Variants in MYH7B observed in about 807,000 individuals in gnomAD.
The protein encoded by MYH7B is myosin heavy chain 7B.
Under a neutral mutation model 234.5 loss-of-function variants are expected in MYH7B, and 205 were observed. That is an observed-to-expected ratio of 0.87 (90% CI 0.78 to 0.98). MYH7B has a LOEUF of 0.98. Ranked by LOEUF, MYH7B falls within the 50% of genes least tolerant of loss-of-function variation. MYH7B has a pLI of 0.00. For synonymous variants in MYH7B, 1,193 were observed against 1,105.0 expected (o/e 1.08, Z -1.58); for missense variants, 2,652 against 2,633.4 (o/e 1.01, Z -0.15).
intron 24 of MYH7B, among the ~76,000 whole-genome samples, chr20:34,991,536 A>G (rs1600453008): frequency 6.6e-6 from 1 of 152,180 alleles, no homozygotes; most frequent in African/African-American, 2.4e-5. Flanking sequence ...CAGGTTTGAA[A>G]TGCCTCCAGC....
exon 38 of MYH7B, chr20:34,999,901 C>G: frequency 5.0e-6 from 8 of 1,613,368 alleles, no homozygotes; most frequent in Non-Finnish European, 6.8e-6. Flanking sequence ...AGTGCGCTAA[C>G]CTGAGGTGTG....
intron 19 of MYH7B, 84 bp from the exon 20 acceptor site, chr20:34,989,656 G>C (rs2082101935): frequency 4.4e-6 from 6 of 1,368,864 alleles, no homozygotes; most frequent in African/African-American, 1.5e-5. Flanking sequence ...CTCCCAGAAG[G>C]GAGGTGGCCT....
intron 19 of MYH7B, among the ~76,000 whole-genome samples, chr20:34,988,922 G>GC (rs771491935): frequency 6.8e-6 from 1 of 147,354 alleles, no homozygotes; most frequent in Non-Finnish European, 1.5e-5. Context: ...CAATTCTTAT[G>GC]CCTCAACCTC....
At chr20:34,993,166 G>A in exon 25 of MYH7B, 1 of 1,614,058 alleles carries the variant, frequency 6.2e-7, no homozygotes, top group Non-Finnish European at 8.5e-7. Flanking sequence ...GAAGGCCACA[G>A]AGAAACTGCT....
rs2082392338 is a variant in MYH7B, at chr20:35,001,812, T to A, written c.5677-136T>A. On this transcript the variant is annotated intron_variant, in intron 43 of 44. Transcript: ENST00000262873. ...CAACTTCCTTATTCCCGCTGTGGTA[T>A]TGGTGAGGATGGACAGTGGCAATAG... is the stretch of plus-strand genomic sequence containing the variant. 4.5e-6 allele frequency: 6 copies of A among 1,340,496 alleles called. No individual in the cohort carries two copies. The East Asian group carries it at 1.4e-4, about 31-fold the overall frequency. The allele number at this position is 1,340,496 out of a possible 1,614,324, so 83.0% of individuals were successfully genotyped here. A position where few individuals can be genotyped will look rare whatever the true frequency, so the allele number is the denominator to read the frequency against.
At chr20:34,998,489 C>T in intron 33 of MYH7B, 22 bp from the exon 34 acceptor site, 2 of 1,612,808 alleles carry the variant, frequency 1.2e-6, no homozygotes, top group Non-Finnish European at 1.7e-6. Flanking sequence ...CCTGACCTGT[C>T]CGCTCGCCTC....
At chr20:34,977,874 G>T (rs979711954) in intron 4 of MYH7B, 60 bp from the exon 5 acceptor site, 122 of 1,603,448 alleles carry the variant, frequency 7.6e-5, no homozygotes, top group Non-Finnish European at 1.0e-5. Flanking sequence ...CCTAGTATCT[G>T]GTCTTGTGGG....
At chr20:34,996,045 G>A (rs1350922816) in intron 28 of MYH7B, among the ~76,000 whole-genome samples, 1 of 142,334 alleles carries the variant, frequency 7.0e-6, no homozygotes, top group African/African-American at 2.5e-5. Context: ...GCTCACTGAG[G>A]AAGCCGGGAC....
rs1237006450 is a variant in MYH7B, at chr20:34,987,898, G to T, written c.1400G>T (p.Gly467Val). 6.2e-7 allele frequency: 1 copy of T among 1,603,126 alleles called. No individual in the cohort carries two copies. ...TTCATCGGGGTTCTGGACATCGCTG[G>T]GTTTGAGATCTTTGAGGTGAGGACA... The change falls in exon 18 of 45, where the codon GGG becomes GTG. Residue 467 changes from glycine to valine, a missense_variant. Gly to Val is a moderately radical substitution (Grantham distance 109). Transcript: ENST00000262873.
intron 19 of MYH7B, 88 bp from the exon 20 acceptor site, chr20:34,989,652 G>A: frequency 7.4e-7 from 1 of 1,345,206 alleles, no homozygotes; most frequent in Non-Finnish European, 1.0e-6. Context: ...AAGGCTCCCA[G>A]AAGGGAGGTG....
intron 24 of MYH7B, among the ~76,000 whole-genome samples, chr20:34,992,167 C>T (rs554101571): frequency 1.3e-5 from 2 of 152,262 alleles, no homozygotes; most frequent in South Asian, 2.1e-4. Context: ...AGGCGGATCA[C>T]GAGGTCAGGA....
At chr20:35,002,058 A>G in exon 44 of MYH7B, 1 of 1,614,032 alleles carries the variant, frequency 6.2e-7, no homozygotes, top group East Asian at 2.2e-5. Flanking sequence ...AGCTGCGGGC[A>G]CGGACCCGGG....
At chr20:34,966,464 C>T (rs2081742911) in intron 2 of MYH7B, among the ~76,000 whole-genome samples, 1 of 151,774 alleles carries the variant, frequency 6.6e-6, no homozygotes, top group Non-Finnish European at 1.5e-5. Context: ...TGGTGGTTGC[C>T]AGGGGTTAAA....
At chr20:34,997,013 G>A in intron 30 of MYH7B, 70 bp from the exon 31 acceptor site, 2 of 1,344,676 alleles carry the variant, frequency 1.5e-6, no homozygotes, top group Non-Finnish European at 1.9e-6. Flanking sequence ...GGACTGGGGG[G>A]CGTTATGGGG....
chr20:34,957,745 C>T (rs1326704373), intron 1 of MYH7B, among the ~76,000 whole-genome samples: 1 of 152,188 alleles, frequency 6.6e-6, no homozygotes, highest in African/African-American at 2.4e-5. Context: ...CCGCCCCAGC[C>T]TCCCAGAGTG....
chr20:34,996,312 G>A lies in MYH7B; in HGVS notation c.2944-34G>A, dbSNP rs371177437. On this transcript the variant is annotated intron_variant, in intron 28 of 44. Transcript: ENST00000262873. ...TGGTGGCCGCTCAGAGTGCGGGGAA[G>A]GGCGTCCCCATTCTGGCCCTGGCCC... 2.6e-6 allele frequency: 4 copies of A among 1,552,778 alleles called. No individual in the cohort carries two copies. The African/African-American group carries it at 4.1e-5, about 16-fold the overall frequency.
chr20:34,996,362 A>T, exon 29 of MYH7B: 1 of 1,597,958 alleles, frequency 6.3e-7, no homozygotes, highest in Non-Finnish European at 8.5e-7. Flanking sequence ...AACCTGACGG[A>T]AGAGATGGCT....
chr20:34,962,846 C>T (rs1272416152), intron 2 of MYH7B, among the ~76,000 whole-genome samples: 1 of 152,174 alleles, frequency 6.6e-6, no homozygotes, highest in Non-Finnish European at 1.5e-5. Context: ...GCCTGTCATC[C>T]CAGAACCTCA....
intron 7 of MYH7B, 71 bp downstream of exon 7, chr20:34,979,875 G>A: frequency 6.5e-7 from 1 of 1,536,704 alleles, no homozygotes. Context: ...TGAGGTGCTG[G>A]GGGCGGGCCC....
Sources: gnomAD v4.1 joint callset for allele counts (sites outside exome capture counted in the v4.1 genomes callset) on GRCh38, gnomAD v4.1.1 for gene constraint, MANE v1.5 for transcripts, NCBI Gene and HGNC (gene_info 2026-07-23, HGNC 2026-07-21) for gene names.